Variants in DNAJC13 observed in about 807,000 individuals in gnomAD.
The protein encoded by DNAJC13 is DnaJ heat shock protein family (Hsp40) member C13.
Under a neutral mutation model 290.5 loss-of-function variants are expected in DNAJC13, and 75 were observed. That is an observed-to-expected ratio of 0.26 (90% confidence interval 0.21 to 0.31). DNAJC13 has a LOEUF of 0.31. DNAJC13 is among the 10% of genes least tolerant of loss of function. The pLI is 1.00. For missense variants in DNAJC13, 2,260 were observed against 2,674.5 expected (o/e 0.85, Z 3.42); for synonymous variants, 862 against 892.0 (o/e 0.97, Z 0.60).
At chr3:132,531,459 G>A (rs1370596595) in intron 55 of DNAJC13, among the ~76,000 whole-genome samples, 1 of 152,182 alleles carries the variant, frequency 6.6e-6, no homozygotes, top group Non-Finnish European at 1.5e-5. Context: ...TTCCATATCT[G>A]TCAGAATAAC....
intron 17 of DNAJC13, 106 bp downstream of exon 17, chr3:132,463,923 T>C (rs1933892944): frequency 1.5e-6 from 2 of 1,293,016 alleles, no homozygotes; most frequent in African/African-American, 1.5e-5. Flanking sequence ...TAATACATTT[T>C]CTTTTGATCC....
At chr3:132,495,055 C>T (rs777634261) in intron 34 of DNAJC13, 33 bp from the exon 35 acceptor site, 32 of 1,501,214 alleles carry the variant, frequency 2.1e-5, no homozygotes, top group Non-Finnish European at 2.8e-5. Flanking sequence ...TTGTGCCTTA[C>T]TATACTCATA....
chr3:132,499,772 G>A lies in DNAJC13; in HGVS notation c.4380G>A (p.Leu1460=). ...CATTTAGTCGCTGTGTGGCTGTCTT[G>A]ACTCGTGCTAGTAAACCAAGTGACA... ...QEAFSRCVAV[L]TRASKPSDMS... Residue 1460 remains leucine (L), a synonymous_variant, in exon 38 of 56, where the codon TTG becomes TTA. Coordinates refer to ENST00000260818, the MANE Select transcript of DNAJC13 (RefSeq NM_015268.4). 1 of 1,614,138 alleles carries A rather than the reference G, an allele frequency of 6.2e-7. No homozygotes were observed. The highest frequency in any genetic ancestry group is 8.5e-7 in the Non-Finnish European group (1 of 1,180,012).
intron 2 of DNAJC13, among the ~76,000 whole-genome samples, chr3:132,443,541 A>G (rs1933142564): frequency 6.6e-6 from 1 of 152,194 alleles, no homozygotes; most frequent in African/African-American, 2.4e-5. Flanking sequence ...TCTGTTATCT[A>G]AGGGGGCTTT....
rs147898644 is a variant in DNAJC13 at position 132,456,751 on chromosome 3, C to T, written c.1268C>T (p.Ala423Val). The change falls in exon 12 of 56, where the codon GCG becomes GTG. Residue 423 changes from alanine (A) to valine (V), a missense_variant. Coordinates refer to ENST00000260818, the MANE Select transcript of DNAJC13 (RefSeq NM_015268.4). Reference protein sequence around the residue: ...SQEGDVVASNAELESQFQAVR... With the variant: ...SQEGDVVASNVELESQFQAVR... ...GAAGGGGATGTCGTTGCTTCAAATG[C>T]GGAACTTGAGAGTCAGTTCCAGGCT... The T allele has an allele frequency of 1.5e-4, 244 of 1,614,078 alleles. No individual in the cohort carries two copies. The highest frequency in any genetic ancestry group is 4.9e-4 in the African/African-American group (37 of 75,034).
chr3:132,452,501 C>A (rs72992341), intron 6 of DNAJC13, among the ~76,000 whole-genome samples: 2,304 of 152,274 alleles, frequency 0.015, 58 homozygotes, highest in African/African-American at 0.052. Flanking sequence ...GTGGGACACT[C>A]CTACTCTGCC....
intron 1 of DNAJC13, among the ~76,000 whole-genome samples, chr3:132,421,225 A>G (rs1179543045): frequency 1.3e-5 from 2 of 152,196 alleles, no homozygotes; most frequent in African/African-American, 4.8e-5. Context: ...AGTTGGGTAC[A>G]ATTTTCTGCG....
At chr3:132,477,460 G>C (rs990948254) in intron 22 of DNAJC13, among the ~76,000 whole-genome samples, 7 of 152,356 alleles carry the variant, frequency 4.6e-5, no homozygotes, top group African/African-American at 1.7e-4. Context: ...CTGAAGTAGT[G>C]TATGTGTGTT....
chr3:132,474,576 A>G (rs1293302707), intron 21 of DNAJC13, among the ~76,000 whole-genome samples: 1 of 152,010 alleles, frequency 6.6e-6, no homozygotes, highest in Non-Finnish European at 1.5e-5. Context: ...TGTATTAGCA[A>G]TAAACATTGA....
At chr3:132,436,814 A>G (rs1939396728) in intron 2 of DNAJC13, among the ~76,000 whole-genome samples, 1 of 151,458 alleles carries the variant, frequency 6.6e-6, no homozygotes, top group South Asian at 2.1e-4. Flanking sequence ...TCATTTGTGT[A>G]TCTTCTTTGA....
At chr3:132,448,936 G>A (rs1933336890) in intron 5 of DNAJC13, among the ~76,000 whole-genome samples, 1 of 152,056 alleles carries the variant, frequency 6.6e-6, no homozygotes, top group Non-Finnish European at 1.5e-5. Context: ...GTCAGGTGAC[G>A]TACCTCATCT....
At chr3:132,463,035 G>A (rs752943332) in intron 16 of DNAJC13, among the ~76,000 whole-genome samples, 6 of 152,164 alleles carry the variant, frequency 3.9e-5, no homozygotes, top group Non-Finnish European at 7.4e-5. Flanking sequence ...TTAAAAGGTT[G>A]TAGCTATGAA....
intron 32 of DNAJC13, 127 bp downstream of exon 32, chr3:132,491,178 G>T: frequency 1.2e-6 from 1 of 816,768 alleles, no homozygotes; most frequent in South Asian, 2.3e-5. Flanking sequence ...AGTAATCATT[G>T]ATGCCAAATC....
intron 2 of DNAJC13, among the ~76,000 whole-genome samples, chr3:132,442,577 T>C (rs184509821): frequency 1.3e-5 from 2 of 152,238 alleles, no homozygotes; most frequent in Admixed American, 1.3e-4. Flanking sequence ...TTGTCACCAA[T>C]TGCAGGGGAG....
At chr3:132,443,723 A>G (rs1933149459) in intron 2 of DNAJC13, among the ~76,000 whole-genome samples, 1 of 152,086 alleles carries the variant, frequency 6.6e-6, no homozygotes, top group African/African-American at 2.4e-5. Context: ...GGGAGTACTT[A>G]AGGAAGGGAG....
chr3:132,472,520 T>G, intron 20 of DNAJC13: 2 of 975,912 alleles, frequency 2.0e-6, no homozygotes, highest in Non-Finnish European at 2.4e-6. Context: ...TCTTTTTATT[T>G]TCTTTAACTT....
intron 12 of DNAJC13, 103 bp downstream of exon 12, chr3:132,456,935 C>G: frequency 1.6e-6 from 2 of 1,272,454 alleles, no homozygotes; most frequent in Non-Finnish European, 2.2e-6. Flanking sequence ...AACCAGATAC[C>G]TTTTATAGGG....
intron 9 of DNAJC13, 37 bp from the exon 10 acceptor site, chr3:132,456,198 A>T: frequency 6.3e-7 from 1 of 1,594,490 alleles, no homozygotes. Context: ...CTTAATCATC[A>T]ATGCTAAAAC....
chr3:132,440,217 G>A (rs1026745671), intron 2 of DNAJC13, among the ~76,000 whole-genome samples: 1 of 152,148 alleles, frequency 6.6e-6, no homozygotes, highest in East Asian at 1.9e-4. Flanking sequence ...AGATTACGCC[G>A]CTACACTCCA....
Sources: gnomAD v4.1 joint callset for allele counts (sites outside exome capture counted in the v4.1 genomes callset) on GRCh38, gnomAD v4.1.1 for gene constraint, MANE v1.5 for transcripts, NCBI Gene and HGNC (gene_info 2026-07-23, HGNC 2026-07-21) for gene names.